EIF2AK4: variants seen among roughly 807,000 people sequenced by gnomAD.
EIF2AK4 encodes the protein eIF-2-alpha kinase GCN2.
In EIF2AK4, 139 loss-of-function variants were observed where a neutral mutation model predicts 211.1. The ratio of observed to expected loss-of-function variants is 0.66; its 90% CI spans 0.57 to 0.76. EIF2AK4 has a LOEUF of 0.76. Among genes scored for constraint, EIF2AK4 ranks in the 30% least tolerant of loss-of-function variants. EIF2AK4 has a pLI of 0.00. For synonymous variants in EIF2AK4, 710 were observed against 751.3 expected (o/e 0.94, Z 0.90); for missense variants, 1,664 against 2,043.8 (o/e 0.81, Z 3.58).
chr15:40,024,494 C>T (rs1321165106), intron 32 of EIF2AK4, among the ~76,000 whole-genome samples: 2 of 149,848 alleles, frequency 1.3e-5, no homozygotes, highest in Non-Finnish European at 3.0e-5. Context: ...CTGCAACCTC[C>T]ACCTCCCAAG....
Position 39,939,627 on chromosome 15 carries a change from T to C in EIF2AK4, c.257+10T>C. On this transcript the variant is annotated intron_variant, in intron 2 of 38. Transcript: ENST00000263791. ...CTACCTATCCAGATGTGTGAGTACATTTATAAATAGCTTTGACGTGGTTTC... is the reference window on the plus strand; with the variant it reads ...CTACCTATCCAGATGTGTGAGTACACTTATAAATAGCTTTGACGTGGTTTC... The C allele has an allele frequency of 1.3e-6, 2 of 1,585,428 alleles. No homozygotes were observed. The highest frequency in any genetic ancestry group is 1.7e-6 in the Non-Finnish European group (2 of 1,162,740).
intron 15 of EIF2AK4, among the ~76,000 whole-genome samples, chr15:39,988,474 C>A (rs1286409674): frequency 2.6e-5 from 4 of 152,288 alleles, no homozygotes; most frequent in East Asian, 3.9e-4. Flanking sequence ...ATAAAAATTA[C>A]ATGAAATTCA....
At chr15:40,012,684 CT>C (rs1399547361) in intron 27 of EIF2AK4, among the ~76,000 whole-genome samples, 2 of 150,872 alleles carry the variant, frequency 1.3e-5, no homozygotes, top group African/African-American at 4.9e-5. Flanking sequence ...TTAAGAAAGT[CT>C]TATAAATATA....
In EIF2AK4 at chr15:40,009,709, C is replaced by T. The variant is rs554397466; in HGVS notation, c.3672C>T (p.Tyr1224=). 53 of 1,602,520 alleles carry T rather than the reference C, an allele frequency of 3.3e-5. No homozygotes were observed. In the East Asian group the frequency reaches 1.1e-3, roughly 33 times the overall value. The change falls in exon 26 of 39, where the codon TAC becomes TAT. Residue 1224 remains tyrosine (Y), a synonymous_variant. Transcript: ENST00000263791. Reference sequence around the variant, plus strand: ...CAGAAGATAAACTCAGTCAAGTCTACATTATTCTGTATGATGCTGTGGTAA... The same window carrying T: ...CAGAAGATAAACTCAGTCAAGTCTATATTATTCTGTATGATGCTGTGGTAA... ...GIPEDKLSQV[Y]IILYDAVTEK...
chr15:40,035,017 T>C lies in EIF2AK4; in HGVS notation c.4893-10T>C. 6.3e-7 allele frequency: 1 copy of C among 1,577,216 alleles called. No individual in the cohort carries two copies. ...GAGTCTGTCCTTATATCTTTTCTTT[T>C]CTTTTGCAGGGTGTCTGTGCTATTT... On this transcript the variant is annotated splice_polypyrimidine_tract_variant and intron_variant, in intron 38 of 38. Transcript: ENST00000263791.
chr15:39,972,827 A>G, intron 9 of EIF2AK4, 81 bp from the exon 10 acceptor site: 2 of 1,064,408 alleles, frequency 1.9e-6, no homozygotes, highest in Non-Finnish European at 2.9e-6. Context: ...TTAAAAAATA[A>G]ACCCATAGTT....
chr15:40,030,154 C>T (rs970850060), intron 34 of EIF2AK4, among the ~76,000 whole-genome samples: 2 of 152,286 alleles, frequency 1.3e-5, no homozygotes, highest in African/African-American at 4.8e-5. Flanking sequence ...AGGAGAGAAG[C>T]ATCAAAACTG....
In EIF2AK4 at chr15:39,943,369, TTTGC is replaced by T; in HGVS notation, c.258-13_258-10del. On this transcript the variant is annotated splice_polypyrimidine_tract_variant and intron_variant, in intron 2 of 38. Transcript: ENST00000263791. ...AGTAACTCTTTTTTTTTTTTTTTTT[TTTGC>T]CTTTTCCAGAGTTCCTGAAATAGAG... 12 of 1,405,196 alleles carry T rather than the reference TTTGC, an allele frequency of 8.5e-6. No homozygotes were observed. The highest frequency in any genetic ancestry group is 4.3e-5 in the South Asian group (3 of 69,960). The allele number at this position is 1,405,196 out of a possible 1,614,324, so 87.0% of individuals were successfully genotyped here.
rs1435442186 is a variant in EIF2AK4, at chr15:39,976,822, G to A, written c.2227G>A (p.Gly743Ser). The A allele has an allele frequency of 2.6e-6, 4 of 1,540,510 alleles. No individual in the cohort carries two copies. The African/African-American group carries it at 5.7e-5, about 22-fold the overall frequency. The change falls in exon 12 of 39, where the codon GGC becomes AGC. Residue 743 changes from glycine (G) to serine (S), a missense_variant. Transcript: ENST00000263791. ...DEDDDEDEHG[G>S]VFSQSFLPAS... ...GGACGACGACGAGGACGAGCACGGT[G>A]GCGTCTTCTCCCAGTCCTTCCTGTA...
intron 20 of EIF2AK4, 138 bp from the exon 21 acceptor site, chr15:40,000,850 C>A: frequency 1.2e-6 from 1 of 818,674 alleles, no homozygotes; most frequent in African/African-American, 1.7e-5. Context: ...ATGACCTATT[C>A]AGAAATTTCA....
chr15:40,017,368 A>G lies in EIF2AK4; in HGVS notation c.4065+126A>G. 2.8e-6 allele frequency: 3 copies of G among 1,074,776 alleles called. 1 individual carries two copies. The highest frequency in any genetic ancestry group is 3.6e-5 in the South Asian group (2 of 54,810). The allele number at this position is 1,074,776 out of a possible 1,614,324, so 66.6% of individuals were successfully genotyped here. A position where few individuals can be genotyped will look rare whatever the true frequency, so the allele number is the denominator to read the frequency against. On this transcript the variant is annotated intron_variant, in intron 29 of 38. Transcript: ENST00000263791. ...AATATCATTGGATACTTCTATTAAT[A>G]TATGTTTCATCTAGGAATAGAAATA...
chr15:40,000,926 C>T lies in EIF2AK4; in HGVS notation c.2923-62C>T, dbSNP rs114089567. 5.8e-4 allele frequency: 888 copies of T among 1,524,100 alleles called. 8 individuals are homozygous for T. In the African/African-American group the frequency reaches 7.3e-3, roughly 12 times the overall value. 94.4% of individuals were successfully genotyped at this position (1,524,100 alleles called of 1,614,324 possible). ...GACCTGAACTGACTACTGACTTGTC[C>T]GGAGAATAGCTGAGCATTATCCATT... On this transcript the variant is annotated intron_variant, in intron 20 of 38. Transcript: ENST00000263791.
Position 40,030,461 on chromosome 15 carries a change from A to T in EIF2AK4, c.4659+5A>T, listed in dbSNP as rs370830586. On this transcript the variant is annotated splice_donor_5th_base_variant and intron_variant, in intron 35 of 38. Transcript: ENST00000263791. ...AGGAGGCGCTATGAAACTCAGGTACACTGGGTCAGGGTTTCTTTGGCTTTC... is the reference window on the plus strand; with the variant it reads ...AGGAGGCGCTATGAAACTCAGGTACTCTGGGTCAGGGTTTCTTTGGCTTTC... The T allele has an allele frequency of 1.9e-6, 3 of 1,613,128 alleles. No homozygotes were observed. Among genetic ancestry groups the T allele is most frequent in the African/African-American group, 1.3e-5 (1 of 74,888 alleles).
chr15:40,003,395 C>T, intron 23 of EIF2AK4, 81 bp downstream of exon 23: 1 of 1,563,568 alleles, frequency 6.4e-7, no homozygotes, highest in Non-Finnish European at 8.7e-7. Context: ...GGATTTTTCC[C>T]CCAGGCTTAT....
chr15:39,960,293 A>G (rs2034452911), intron 6 of EIF2AK4, among the ~76,000 whole-genome samples: 1 of 152,140 alleles, frequency 6.6e-6, no homozygotes, highest in African/African-American at 2.4e-5. Context: ...TTGGAAGCAG[A>G]AAGACCAGAT....
chr15:40,016,423 T>C, intron 27 of EIF2AK4, 79 bp from the exon 28 acceptor site: 2 of 1,518,512 alleles, frequency 1.3e-6, no homozygotes, highest in Non-Finnish European at 1.8e-6. Flanking sequence ...CTCCTGCTCC[T>C]GCAGGTGCAC....
At chr15:40,027,055 AAT>A (rs751301984) in intron 33 of EIF2AK4, among the ~76,000 whole-genome samples, 38 of 152,346 alleles carry the variant, frequency 2.5e-4, no homozygotes, top group Non-Finnish European at 3.8e-4. Flanking sequence ...AAACATTTTA[AAT>A]ATGTTTATTC....
At chr15:40,021,367 C>T (rs765770028) in intron 31 of EIF2AK4, among the ~76,000 whole-genome samples, 10 of 152,170 alleles carry the variant, frequency 6.6e-5, no homozygotes, top group Non-Finnish European at 1.5e-4. Flanking sequence ...TGGCCTCTTC[C>T]TCCATCATCA....
At position 40,032,734 on chromosome 15, in the gene EIF2AK4, T is replaced by C. The variant is rs781055829; in HGVS notation, c.4729-23T>C. The C allele has an allele frequency of 3.7e-6, 6 of 1,610,280 alleles. No homozygotes were observed. In the Admixed American group the frequency reaches 8.4e-5, roughly 23 times the overall value. On this transcript the variant is annotated intron_variant, in intron 36 of 38. Transcript: ENST00000263791. ...GCAGTATTGTGCTGCTGAGAGTTGA[T>C]GTACATTTGTGTGTATTCACAGGTG...
Sources: gnomAD v4.1 joint callset for allele counts (sites outside exome capture counted in the v4.1 genomes callset) on GRCh38, gnomAD v4.1.1 for gene constraint, MANE v1.5 for transcripts, NCBI Gene and HGNC (gene_info 2026-07-23, HGNC 2026-07-21) for gene names.